The following GPHN variants were observed in gnomAD, a reference collection of about 807,000 sequenced individuals.
GPHN encodes gephyrin.
In GPHN, 17 loss-of-function variants were observed where a neutral mutation model predicts 95.5. The ratio of observed to expected loss-of-function variants is 0.18; its 90% CI spans 0.12 to 0.27. The LOEUF (loss-of-function observed/expected upper bound fraction) is 0.27. GPHN is among the 10% of genes least tolerant of loss of function. The pLI is 1.00. For missense variants in GPHN, 660 were observed against 978.1 expected (o/e 0.67, Z 4.34); for synonymous variants, 320 against 322.5 (o/e 0.99, Z 0.08).
the GPHN span, chr14:67,303,718 AT>A: frequency 1.4e-6 from 1 of 710,040 alleles, no homozygotes; most frequent in South Asian, 1.8e-5. Context: ...AATCATTTTT[AT>A]TTAAATAAAT....
chr14:66,698,239 A>G (rs1266033764), intron 2 of GPHN, among the ~76,000 whole-genome samples: 1 of 152,168 alleles, frequency 6.6e-6, no homozygotes, highest in Non-Finnish European at 1.5e-5. Flanking sequence ...AAACTGAGTC[A>G]TTCTGCTTGA....
At chr14:67,412,172 G>A in the GPHN span, 1 of 852,290 alleles carries the variant, frequency 1.2e-6, no homozygotes, top group Non-Finnish European at 1.6e-6. Flanking sequence ...AAGCAGCTCC[G>A]ACGCGGCAGG....
the GPHN span, among the ~76,000 whole-genome samples, chr14:67,612,233 T>G: frequency 6.6e-6 from 1 of 152,162 alleles, no homozygotes; most frequent in Admixed American, 6.5e-5. Context: ...GCCCAGGGGT[T>G]GGGGACCCCT....
chr14:66,773,234 G>A (rs151134000), intron 2 of GPHN, among the ~76,000 whole-genome samples: 21 of 152,232 alleles, frequency 1.4e-4, no homozygotes, highest in African/African-American at 4.8e-4. Context: ...TTCACAGGCT[G>A]AAGGCTGATA....
the GPHN span, among the ~76,000 whole-genome samples, chr14:67,468,659 C>T: frequency 1.3e-5 from 2 of 151,988 alleles, no homozygotes; most frequent in African/African-American, 4.8e-5. Flanking sequence ...TTTGGGAGGC[C>T]GAGGCGGGTG....
chr14:66,741,537 A>G (rs974623761), intron 2 of GPHN, among the ~76,000 whole-genome samples: 18 of 152,168 alleles, frequency 1.2e-4, no homozygotes, highest in African/African-American at 4.1e-4. Flanking sequence ...ACCAGAGACA[A>G]ACAACTATAA....
the GPHN span, among the ~76,000 whole-genome samples, chr14:67,511,998 C>T: frequency 1.3e-5 from 2 of 152,234 alleles, no homozygotes. Flanking sequence ...AGCTCAAAGT[C>T]TGAGGCAAAT....
chr14:67,417,073 T>C, the GPHN span, among the ~76,000 whole-genome samples: 1 of 152,256 alleles, frequency 6.6e-6, no homozygotes. Flanking sequence ...TTCCAAGCAC[T>C]GACTCTCAGT....
Position 66,718,895 on chromosome 14 carries a change from G to A in GPHN, c.143+37710G>A, listed in dbSNP as rs531986162. ...AGGTCTTGCTGCAGCTGCTGTGGGG[G>A]ATGGGGGTGAGGTTCCCAGGTCAAT... On this transcript the variant is annotated intron_variant, in intron 2 of 22. Coordinates refer to ENST00000478722, the MANE Select transcript of GPHN (RefSeq NM_020806.5). Among the ~76,000 whole-genome samples, 5 of 152,278 alleles carry A rather than the reference G, an allele frequency of 3.3e-5. No homozygotes were observed. The South Asian group carries it at 1.0e-3, about 32-fold the overall frequency.
rs115545103 is a variant in GPHN at position 66,779,401 on chromosome 14, A to T, written c.201+2880A>T. 7.6e-3 allele frequency among the ~76,000 whole-genome samples: 1,160 copies of T among 152,320 alleles called. 7 individuals are homozygous for T. The highest frequency in any genetic ancestry group is 0.027 in the African/African-American group (1,108 of 41,572). On this transcript the variant is annotated intron_variant, in intron 3 of 22. Transcript: ENST00000478722. ...AGGGTTGGAAAAGCATGAGGATATT[A>T]CTTCTTGAAATATATTTTATAATGA...
intron 2 of GPHN, among the ~76,000 whole-genome samples, chr14:66,717,951 TG>T: frequency 6.6e-6 from 1 of 152,220 alleles, no homozygotes; most frequent in South Asian, 2.1e-4. Flanking sequence ...TTAGCTTTGG[TG>T]GTTTAATGCT....
intron 2 of GPHN, among the ~76,000 whole-genome samples, chr14:66,737,872 A>G (rs978322628): frequency 2.6e-5 from 4 of 152,226 alleles, no homozygotes; most frequent in African/African-American, 9.6e-5. Context: ...TTGGTCTGCT[A>G]TAGTACAAAA....
intron 1 of GPHN, among the ~76,000 whole-genome samples, chr14:66,514,599 G>A (rs1305481361): frequency 6.6e-6 from 1 of 151,864 alleles, no homozygotes; most frequent in African/African-American, 2.4e-5. Flanking sequence ...CTTTATAATG[G>A]GAATGATTAT....
At chr14:67,013,156 T>C (rs1424193066) in intron 9 of GPHN, among the ~76,000 whole-genome samples, 1 of 152,098 alleles carries the variant, frequency 6.6e-6, no homozygotes, top group African/African-American at 2.4e-5. Flanking sequence ...ATTATTATTA[T>C]TGTTAATTTC....
the GPHN span, among the ~76,000 whole-genome samples, chr14:67,518,812 G>A: frequency 5.3e-5 from 8 of 152,226 alleles, no homozygotes; most frequent in African/African-American, 1.9e-4. Flanking sequence ...TAGGAGAGAT[G>A]TGGCTCAAGA....
chr14:67,203,994 G>A, the GPHN span, among the ~76,000 whole-genome samples: 1 of 152,182 alleles, frequency 6.6e-6, no homozygotes, highest in African/African-American at 2.4e-5. Context: ...TTACAGGCGT[G>A]AGCCACTGCA....
At chr14:67,398,471 T>G in the GPHN span, among the ~76,000 whole-genome samples, 1 of 152,018 alleles carries the variant, frequency 6.6e-6, no homozygotes, top group Non-Finnish European at 1.5e-5. Context: ...CCACCTAAAC[T>G]ACCCTTCTCT....
intron 9 of GPHN, among the ~76,000 whole-genome samples, chr14:66,965,687 A>G (rs1177477542): frequency 6.6e-6 from 1 of 152,178 alleles, no homozygotes; most frequent in Non-Finnish European, 1.5e-5. Flanking sequence ...CAGCAAGATT[A>G]ACAAAATTGT....
In GPHN at chr14:66,665,532, A is replaced by T. The variant is rs535329413; in HGVS notation, c.65-15575A>T. ...CATCACTGGCCATCAGAGAAATGCA[A>T]ATCAAAACCACAATGAGATACCATC... is the stretch of plus-strand genomic sequence containing the variant. On this transcript the variant is annotated intron_variant, in intron 1 of 22. Coordinates refer to ENST00000478722, the MANE Select transcript of GPHN (RefSeq NM_020806.5). 6.0e-4 allele frequency among the ~76,000 whole-genome samples: 91 copies of T among 152,346 alleles called. 1 individual carries two copies. Among genetic ancestry groups the T allele is most frequent in the Non-Finnish European group, 7.9e-4 (54 of 68,020 alleles).
Sources: allele counts gnomAD v4.1 joint callset (sites outside exome capture counted in the v4.1 genomes callset), GRCh38; gene constraint gnomAD v4.1.1; transcripts MANE v1.5; gene names NCBI Gene and HGNC (gene_info 2026-07-23, HGNC 2026-07-21).